The following FAM193A variants were observed in gnomAD, a reference collection of about 807,000 sequenced individuals.
FAM193A encodes protein FAM193A.
Under a neutral mutation model 126.5 loss-of-function variants are expected in FAM193A, and 22 were observed. The observed-to-expected ratio is 0.17, with a 90% CI of 0.12 to 0.25. FAM193A has a LOEUF of 0.25. Among genes scored for constraint, FAM193A ranks in the 10% least tolerant of loss-of-function variants. The pLI, the probability that FAM193A is intolerant of heterozygous loss-of-function variation, is 1.00. For missense variants in FAM193A, 1,675 were observed against 1,672.8 expected, an observed-to-expected ratio of 1.00 and a Z score of -0.02; for synonymous variants, 761 against 646.8, an observed-to-expected ratio of 1.18 and a Z score of -2.68.
At chr4:2,703,916 G>A (rs1024900159) in intron 19 of FAM193A, among the ~76,000 whole-genome samples, 3 of 151,862 alleles carry the variant, frequency 2.0e-5, no homozygotes, top group Middle Eastern at 3.4e-3. Context: ...AGGCTGCGGT[G>A]TGTCATGATT....
intron 1 of FAM193A, among the ~76,000 whole-genome samples, chr4:2,548,452 A>G (rs1014960696): frequency 2.0e-5 from 3 of 150,634 alleles, no homozygotes; most frequent in African/African-American, 7.3e-5. Context: ...ATTTTCTTCA[A>G]CTGTGTAGCT....
chr4:2,652,326 G>T (rs555500740), intron 7 of FAM193A, among the ~76,000 whole-genome samples: 1 of 152,270 alleles, frequency 6.6e-6, no homozygotes, highest in Non-Finnish European at 1.5e-5. Context: ...CCTGCATTTG[G>T]TGTTTTTCTT....
intron 13 of FAM193A, among the ~76,000 whole-genome samples, chr4:2,687,842 C>T (rs1715914742): frequency 6.6e-6 from 1 of 152,214 alleles, no homozygotes; most frequent in South Asian, 2.1e-4. Context: ...TTGTCTTTGG[C>T]CTGGCTGCTG....
chr4:2,731,488 G>A (rs763545088), intron 20 of FAM193A, among the ~76,000 whole-genome samples: 17 of 151,900 alleles, frequency 1.1e-4, no homozygotes, highest in Non-Finnish European at 2.4e-4. Context: ...ACCCTGCCTG[G>A]GCCTGATAAT....
At chr4:2,681,506 A>G (rs231701) in intron 13 of FAM193A, among the ~76,000 whole-genome samples, 38,385 of 152,060 alleles carry the variant, frequency 0.25, 5,311 homozygotes, top group Middle Eastern at 0.39. Flanking sequence ...CCTGGAGTGT[A>G]GTGGTGCGAT....
intron 1 of FAM193A, among the ~76,000 whole-genome samples, chr4:2,545,056 G>C (rs1293345739): frequency 1.3e-5 from 2 of 151,904 alleles, no homozygotes; most frequent in Non-Finnish European, 2.9e-5. Flanking sequence ...GCAGTGGCGT[G>C]ATCTCGGCTC....
rs778267134 is a variant in FAM193A at position 2,690,737 on chromosome 4, C to T, written c.2570C>T (p.Pro857Leu). Reference protein sequence around the residue: ...ILGPTLSETRPEALPPPSSNE... With the variant: ...ILGPTLSETRLEALPPPSSNE... ...GGGCCAACACTCTCAGAAACAAGAC[C>T]GGAAGCCCTTCCACCTCCATCTAGC... Residue 857 changes from proline (P) to leucine (L), a missense_variant, in exon 15 of 21, where the codon CCG becomes CTG. Transcript: ENST00000637812. 8.7e-6 allele frequency: 14 copies of T among 1,613,800 alleles called. No individual in the cohort carries two copies. The highest frequency in any genetic ancestry group is 8.3e-5 in the Admixed American group (5 of 59,944).
intron 19 of FAM193A, among the ~76,000 whole-genome samples, chr4:2,704,819 A>C (rs1718128229): frequency 6.6e-6 from 1 of 152,166 alleles, no homozygotes; most frequent in Non-Finnish European, 1.5e-5. Context: ...ATATATTATT[A>C]AGGGCTATTT....
chr4:2,659,163 G>A (rs149657368), intron 8 of FAM193A, among the ~76,000 whole-genome samples: 14 of 152,136 alleles, frequency 9.2e-5, no homozygotes, highest in Non-Finnish European at 7.3e-5. Context: ...TAGAAGTTGA[G>A]GTGCCATTTC....
chr4:2,699,372 T>G (rs231695), intron 18 of FAM193A, among the ~76,000 whole-genome samples: 57,869 of 150,154 alleles, frequency 0.39, 11,357 homozygotes, highest in Middle Eastern at 0.49. Flanking sequence ...TTGCAGCTGC[T>G]TTGTCCTTGG....
At chr4:2,620,864 TAAC>T (rs1386894651) in intron 2 of FAM193A, among the ~76,000 whole-genome samples, 1 of 133,728 alleles carries the variant, frequency 7.5e-6, no homozygotes, top group Non-Finnish European at 1.6e-5. Flanking sequence ...AAAAAGTAAT[TAAC>T]AAGTAGCGAC....
intron 10 of FAM193A, 35 bp downstream of exon 10, chr4:2,660,089 T>A (rs751648630): frequency 6.2e-7 from 1 of 1,605,304 alleles, no homozygotes; most frequent in South Asian, 1.1e-5. Context: ...TTTCCGAAAT[T>A]TAAGTCGCCC....
chr4:2,704,972 C>T (rs71608226), intron 19 of FAM193A, among the ~76,000 whole-genome samples: 4,931 of 152,110 alleles, frequency 0.032, 96 homozygotes, highest in South Asian at 0.069. Context: ...AGTGCAGTGG[C>T]GCGATCTCGG....
intron 12 of FAM193A, among the ~76,000 whole-genome samples, chr4:2,669,387 T>TAGGTG (rs916214204): frequency 1.4e-4 from 22 of 151,968 alleles, no homozygotes; most frequent in African/African-American, 5.3e-4. Context: ...GGCGGGCAGA[T>TAGGTG]CACCTGAGGT....
intron 1 of FAM193A, among the ~76,000 whole-genome samples, chr4:2,572,777 ATTTT>A (rs533532132): frequency 7.4e-6 from 1 of 135,930 alleles, no homozygotes; most frequent in Non-Finnish European, 1.6e-5. Flanking sequence ...CAGAGGAGGA[ATTTT>A]TTTTTTTTTT....
chr4:2,672,401 C>G, intron 13 of FAM193A, 29 bp downstream of exon 13: 1 of 1,611,558 alleles, frequency 6.2e-7, no homozygotes, highest in Non-Finnish European at 8.5e-7. Context: ...GGTCTGAAAG[C>G]TCACTCTTCA....
At chr4:2,675,667 A>G (rs1405386794) in intron 13 of FAM193A, among the ~76,000 whole-genome samples, 1 of 152,206 alleles carries the variant, frequency 6.6e-6, no homozygotes, top group Non-Finnish European at 1.5e-5. Flanking sequence ...TAAAATTTAC[A>G]ATCTTAACCA....
chr4:2,606,360 C>G (rs1338221433), intron 2 of FAM193A, among the ~76,000 whole-genome samples: 1 of 152,200 alleles, frequency 6.6e-6, no homozygotes, highest in East Asian at 1.9e-4. Flanking sequence ...TAACAAACCT[C>G]TTTAATATCT....
intron 19 of FAM193A, among the ~76,000 whole-genome samples, chr4:2,713,691 T>C (rs142065025): frequency 0.01 from 1,586 of 152,300 alleles, 14 homozygotes; most frequent in Non-Finnish European, 0.016. Flanking sequence ...ACGGTATTCT[T>C]AGGTACACAA....
Sources: allele counts gnomAD v4.1 joint callset (sites outside exome capture counted in the v4.1 genomes callset), GRCh38; gene constraint gnomAD v4.1.1; transcripts MANE v1.5; gene names NCBI Gene and HGNC (gene_info 2026-07-23, HGNC 2026-07-21).